SH3D21: variants seen among roughly 807,000 people sequenced by gnomAD.
SH3D21 encodes the protein SH3 domain-containing protein 21.
Under a neutral mutation model 82.1 loss-of-function variants are expected in SH3D21, and 83 were observed. That is an observed-to-expected ratio of 1.01 (90% CI 0.85 to 1.21). The LOEUF (loss-of-function observed/expected upper bound fraction) is 1.21. Among genes scored for constraint, SH3D21 ranks in the 50% most tolerant of loss-of-function variants. SH3D21 has a pLI of 0.00. For missense variants in SH3D21, 980 were observed against 962.1 expected (o/e 1.02, Z -0.25); for synonymous variants, 383 against 387.8 (o/e 0.99, Z 0.15).
chr1:36,320,869 T>G (rs1646445451), intron 14 of SH3D21, 46 bp from the exon 15 acceptor site: 1 of 1,551,262 alleles, frequency 6.4e-7, no homozygotes, highest in East Asian at 2.4e-5. Context: ...GCCCCTCACC[T>G]CCAGCCCTCA....
chr1:36,306,887 CGCT>C lies in SH3D21; in HGVS notation c.210_212del (p.Cys71del). On this transcript the variant is annotated inframe_deletion, in exon 3 of 16. Transcript: ENST00000453908. The surrounding 1 kb of genome is among the most constrained non-coding windows in gnomAD (Gnocchi z 4.5). ...GGGCTCCGGAGAGGCGCGGAGGCCGCGCTGTGCGCGCCGCCGAGGTGAGCGCAA... is the reference window on the plus strand; with the variant it reads ...GGGCTCCGGAGAGGCGCGGAGGCCGCGTGCGCGCCGCCGAGGTGAGCGCAA... 1 of 1,308,156 alleles carries C rather than the reference CGCT, an allele frequency of 7.6e-7. No individual in the cohort carries two copies. The highest frequency in any genetic ancestry group is 1.0e-6 in the Non-Finnish European group (1 of 1,001,486). 81.0% of individuals were successfully genotyped at this position (1,308,156 alleles called of 1,614,324 possible).
At chr1:36,329,639 C>T (rs532889853), downstream of SH3D21, among the ~76,000 whole-genome samples, 25 of 151,714 alleles carry the variant, frequency 1.6e-4, no homozygotes, top group South Asian at 3.3e-3. Flanking sequence ...TGGAGCTCAG[C>T]GTTTGAACAG....
chr1:36,322,311 C>T (rs1372583716), downstream of SH3D21: 8 of 1,542,518 alleles, frequency 5.2e-6, no homozygotes, highest in African/African-American at 1.4e-5. Flanking sequence ...ATAGTGCATG[C>T]GGCCCAGGGT....
At chr1:36,324,243 C>T (rs1461799006), downstream of SH3D21, 1 of 152,318 alleles carries the variant, frequency 6.6e-6, no homozygotes, top group East Asian at 1.9e-4. Flanking sequence ...AGCAGTCTCG[C>T]AGACCCCAGC....
chr1:36,319,829 C>T lies in SH3D21; in HGVS notation c.1166C>T (p.Thr389Ile), dbSNP rs769827529. 1.3e-5 allele frequency: 21 copies of T among 1,613,712 alleles called. No homozygotes were observed. Among genetic ancestry groups the T allele is most frequent in the Non-Finnish European group, 1.7e-5 (20 of 1,179,912 alleles). Residue 389 changes from threonine (T) to isoleucine (I), a missense_variant, in exon 14 of 16, where the codon ACC (threonine) becomes ATC (isoleucine). Transcript: ENST00000453908. ...GACAAAGTCCCCTCCCCAGAGAAGACCCTCACTCTAGGGGACAAGGCCTCT... is the reference window on the plus strand; with the variant it reads ...GACAAAGTCCCCTCCCCAGAGAAGATCCTCACTCTAGGGGACAAGGCCTCT... ...APDKVPSPEK[T>I]LTLGDKASIP...
Position 36,321,132 on chromosome 1 carries a change from G to A in SH3D21, c.*5G>A, listed in dbSNP as rs1646454794. On this transcript the variant is annotated 3_prime_UTR_variant, in exon 16 of 16. Transcript: ENST00000453908. This position sits in a 1 kb window ranked among gnomAD's most constrained non-coding sequence, Gnocchi z 6.1. The stretch of plus-strand genomic sequence containing the variant: ...ACGCAGACGCAGACCTACTGAGGGT[G>A]GGCCTGGGAAGGGACCGCGGCCTGA... 6.2e-7 allele frequency: 1 copy of A among 1,609,950 alleles called. No individual in the cohort carries two copies. Among genetic ancestry groups the A allele is most frequent in the African/African-American group, 1.3e-5 (1 of 74,990 alleles).
At chr1:36,315,144 C>T (rs1177425335) in intron 10 of SH3D21, among the ~76,000 whole-genome samples, 1 of 151,714 alleles carries the variant, frequency 6.6e-6, no homozygotes, top group Non-Finnish European at 1.5e-5. Context: ...GGCGTGGTGG[C>T]GGGCACCTGT....
At chr1:36,313,286 A>G (rs1410788765) in intron 10 of SH3D21, among the ~76,000 whole-genome samples, 2 of 151,748 alleles carry the variant, frequency 1.3e-5, no homozygotes, top group Non-Finnish European at 2.9e-5. Flanking sequence ...AGATCGCGTC[A>G]CTGCACTCCA....
In SH3D21 at chr1:36,319,743, CA is replaced by C. The variant is rs773324502; in HGVS notation, c.1081del (p.Thr361ProfsTer32). 6.2e-7 allele frequency: 1 copy of C among 1,600,386 alleles called. No individual in the cohort carries two copies. Among genetic ancestry groups the C allele is most frequent in the Non-Finnish European group, 8.5e-7 (1 of 1,174,740 alleles). Reference sequence around the variant, plus strand: ...GAACCCCCATGCCGGACAAGACTGCCACCCCAGAGAGGCCCCCAGCTCCAGA... The same window carrying C: ...GAACCCCCATGCCGGACAAGACTGCCCCCCAGAGAGGCCCCCAGCTCCAGA... Reference protein sequence around the residue: ...KRTPMPDKTATPERPPAPENA... With the variant: ...KRTPMPDKTAXPERPPAPENA... On this transcript the variant is annotated frameshift_variant, in exon 14 of 16. Coordinates refer to ENST00000453908, the MANE Select transcript of SH3D21 (RefSeq NM_001162530.2). LOFTEE classifies it high-confidence loss of function.
rs756113996 is a variant in SH3D21, at chr1:36,307,575, A to G, written c.404A>G (p.Asn135Ser). The change falls in exon 5 of 16, where the codon AAC (asparagine) becomes AGC (serine). Residue 135 changes from asparagine (N) to serine (S), a missense_variant. By Grantham distance (46) the Asn-to-Ser change is conservative. Coordinates refer to ENST00000453908, the MANE Select transcript of SH3D21 (RefSeq NM_001162530.2). This position sits in a 1 kb window ranked among gnomAD's most constrained non-coding sequence, Gnocchi z 5.4. ...GGGCAGCTGGGAGCCTTCCCATCCAACTTTGTGGAATTGCTGGACAGTGGG... is the reference window on the plus strand; with the variant it reads ...GGGCAGCTGGGAGCCTTCCCATCCAGCTTTGTGGAATTGCTGGACAGTGGG... ...KNGQLGAFPS[N>S]FVELLDSGPP... 13 of 1,551,422 alleles carry G rather than the reference A, an allele frequency of 8.4e-6. No homozygotes were observed. In the Middle Eastern group the frequency reaches 6.7e-4, roughly 79 times the overall value.
In SH3D21 at chr1:36,307,104, C is replaced by T. The variant is rs866997328; in HGVS notation, c.227-63C>T. Reference sequence around the variant, plus strand: ...CCAAAGGCTACGTGCGCGCCTTGCGCTTCCCCCAGCTCCTCTGACTGGGGC... The same window carrying T: ...CCAAAGGCTACGTGCGCGCCTTGCGTTTCCCCCAGCTCCTCTGACTGGGGC... On this transcript the variant is annotated intron_variant, in intron 3 of 15. Coordinates refer to ENST00000453908, the MANE Select transcript of SH3D21 (RefSeq NM_001162530.2). This position sits in a 1 kb window ranked among gnomAD's most constrained non-coding sequence, Gnocchi z 5.4. 6.5e-6 allele frequency: 10 copies of T among 1,543,796 alleles called. No individual in the cohort carries two copies. In the Admixed American group the frequency reaches 1.2e-4, roughly 18 times the overall value.
chr1:36,308,960 A>G (rs1248870006), intron 9 of SH3D21, among the ~76,000 whole-genome samples: 4 of 152,062 alleles, frequency 2.6e-5, no homozygotes, highest in South Asian at 2.1e-4. Context: ...TCAAAAAGAA[A>G]AAAAAAAAAA....
rs377346424 is a variant in SH3D21 at position 36,320,805 on chromosome 1, G to A, written c.2135+7G>A. ...TGATGGAGGTGCAGCTGGAGTGAGTGGGCAGTGGCGGGGGTTGTGGAAGGT... is the reference window on the plus strand; with the variant it reads ...TGATGGAGGTGCAGCTGGAGTGAGTAGGCAGTGGCGGGGGTTGTGGAAGGT... On this transcript the variant is annotated splice_region_variant and intron_variant, in intron 14 of 15. Coordinates refer to ENST00000453908, the MANE Select transcript of SH3D21 (RefSeq NM_001162530.2). The A allele has an allele frequency of 6.4e-7, 1 of 1,557,994 alleles. No individual in the cohort carries two copies. Among genetic ancestry groups the A allele is most frequent in the East Asian group, 2.4e-5 (1 of 41,398 alleles).
At position 36,307,944 on chromosome 1, in the gene SH3D21, T is replaced by G; in HGVS notation, c.519T>G (p.Pro173=). ...PKLSSLAYDS[P]PDYLQTVSHP... ...TGAGCAGCCTGGCCTATGACAGCCC[T>G]CCAGACTACCTGCAGACAGGTGAGC... Residue 173 remains proline (P), a synonymous_variant, in exon 7 of 16, where the codon CCT becomes CCG. Coordinates refer to ENST00000453908, the MANE Select transcript of SH3D21 (RefSeq NM_001162530.2). The surrounding 1 kb of genome is among the most constrained non-coding windows in gnomAD (Gnocchi z 5.4). 1.3e-6 allele frequency: 2 copies of G among 1,551,666 alleles called. No homozygotes were observed.
chr1:36,321,401 G>T, downstream of SH3D21: 1 of 1,329,962 alleles, frequency 7.5e-7, no homozygotes, highest in Non-Finnish European at 9.7e-7. This position sits in a 1 kb window ranked among gnomAD's most constrained non-coding sequence, Gnocchi z 6.1. Flanking sequence ...GGCGGGGGAG[G>T]GTGTCTCCTT....
intron 10 of SH3D21, among the ~76,000 whole-genome samples, 174 bp downstream of exon 10, chr1:36,309,764 G>C (rs763393857): frequency 1.3e-5 from 1 of 75,306 alleles, no homozygotes; most frequent in African/African-American, 5.3e-5. Flanking sequence ...GGGTCAGTTT[G>C]TGTGTGTGTT....
At chr1:36,326,131 GAAGA>G (rs753930303), downstream of SH3D21, among the ~76,000 whole-genome samples, 2 of 152,186 alleles carry the variant, frequency 1.3e-5, no homozygotes, top group Non-Finnish European at 2.9e-5. Context: ...CCCTCCAAGG[GAAGA>G]AAGCCACGCA....
chr1:36,328,631 A>C (rs917915980), downstream of SH3D21: 1 of 182,230 alleles, frequency 5.5e-6, no homozygotes, highest in Non-Finnish European at 1.2e-5. Context: ...AATTAGCTGG[A>C]CACGGTAGCA....
At chr1:36,311,860 A>G (rs1646247594) in intron 10 of SH3D21, among the ~76,000 whole-genome samples, 1 of 151,556 alleles carries the variant, frequency 6.6e-6, no homozygotes, top group Non-Finnish European at 1.5e-5. Flanking sequence ...TGTGCAGCTA[A>G]TCTTTTAATC....
Sources: allele counts gnomAD v4.1 joint callset (sites outside exome capture counted in the v4.1 genomes callset), GRCh38; gene constraint gnomAD v4.1.1; non-coding constraint Gnocchi (gnomAD v3.1); transcripts MANE v1.5; gene names NCBI Gene and HGNC (gene_info 2026-07-23, HGNC 2026-07-21).